The following ERBB4 variants were observed in gnomAD, a reference collection of about 807,000 sequenced individuals.
ERBB4 encodes erb-b2 receptor tyrosine kinase 4.
A neutral mutation model predicts 158.0 loss-of-function variants in ERBB4; 42 were observed. The observed-to-expected ratio is 0.27, with a 90% CI of 0.21 to 0.34. The LOEUF (loss-of-function observed/expected upper bound fraction) is 0.34. Ranked by LOEUF, ERBB4 falls within the 10% of genes least tolerant of loss-of-function variation. The pLI is 1.00. For missense variants in ERBB4, 1,333 were observed against 1,624.1 expected, an observed-to-expected ratio of 0.82 and a Z score of 3.08; for synonymous variants, 583 against 558.7, an observed-to-expected ratio of 1.04 and a Z score of -0.61.
chr2:211,659,920 C>G (rs980392583), intron 15 of ERBB4, among the ~76,000 whole-genome samples: 2 of 152,054 alleles, frequency 1.3e-5, no homozygotes, highest in African/African-American at 4.8e-5. Flanking sequence ...TAGAGCCAAC[C>G]TAGAAGGGCA....
At chr2:212,259,897 C>T (rs1254289251) in intron 1 of ERBB4, among the ~76,000 whole-genome samples, 4 of 151,892 alleles carry the variant, frequency 2.6e-5, no homozygotes, top group Admixed American at 2.6e-4. Flanking sequence ...TGGTAAAACC[C>T]TGTCTGTACT....
At chr2:212,325,673 G>T (rs1331347064) in intron 1 of ERBB4, among the ~76,000 whole-genome samples, 3 of 150,386 alleles carry the variant, frequency 2.0e-5, no homozygotes, top group African/African-American at 7.3e-5. Flanking sequence ...AGAGAGTTTA[G>T]AATTTATCAT....
chr2:212,432,938 A>T (rs573454147), intron 1 of ERBB4, among the ~76,000 whole-genome samples: 1 of 152,160 alleles, frequency 6.6e-6, no homozygotes, highest in East Asian at 1.9e-4. Context: ...ACAGTGTTAC[A>T]TGGTATTTTC....
chr2:212,413,134 A>ATTTTTTTTTTTT (rs370397826), intron 1 of ERBB4, among the ~76,000 whole-genome samples: 748 of 101,158 alleles, frequency 7.4e-3, no homozygotes, highest in Non-Finnish European at 8.3e-3. Flanking sequence ...TGCGTGGCTA[A>ATTTTTTTTTTTT]TTTTTTTTTT....
intron 20 of ERBB4, among the ~76,000 whole-genome samples, chr2:211,449,103 G>A (rs114210411): frequency 0.033 from 5,039 of 152,110 alleles, 132 homozygotes; most frequent in Non-Finnish European, 0.049. Context: ...CCTCCTACAA[G>A]AAGCTTGATA....
chr2:212,420,100 TA>T (rs35071427), intron 1 of ERBB4, among the ~76,000 whole-genome samples: 1 of 152,102 alleles, frequency 6.6e-6, no homozygotes, highest in Non-Finnish European at 1.5e-5. Context: ...CTTTAATACA[TA>T]AATAGATCAT....
At chr2:211,462,392 T>A (rs1343041578) in intron 20 of ERBB4, among the ~76,000 whole-genome samples, 1 of 152,052 alleles carries the variant, frequency 6.6e-6, no homozygotes, top group Non-Finnish European at 1.5e-5. Context: ...ATCGGAGTGA[T>A]TGTATGTTAT....
intron 7 of ERBB4, among the ~76,000 whole-genome samples, chr2:211,719,916 C>T (rs981831225): frequency 2.0e-5 from 3 of 150,330 alleles, no homozygotes; most frequent in African/African-American, 4.9e-5. Flanking sequence ...CTTTTCATTG[C>T]TCTAAGGATA....
intron 1 of ERBB4, among the ~76,000 whole-genome samples, chr2:212,268,198 C>T (rs947601203): frequency 4.0e-5 from 6 of 151,782 alleles, no homozygotes; most frequent in Non-Finnish European, 8.8e-5. Context: ...TATTTCACTG[C>T]AATTCTCTGT....
chr2:212,124,543 G>A (rs2079858959), intron 2 of ERBB4: 2 of 581,512 alleles, frequency 3.4e-6, no homozygotes, highest in Admixed American at 2.9e-5. Context: ...AACAGCAACT[G>A]CTTTAAACTC....
intron 1 of ERBB4, among the ~76,000 whole-genome samples, chr2:212,407,845 A>G (rs1271952837): frequency 2.0e-5 from 3 of 152,012 alleles, no homozygotes; most frequent in African/African-American, 7.2e-5. Flanking sequence ...CATAGACTTT[A>G]AATGCATTAA....
At chr2:212,386,810 T>C (rs1209344387) in intron 1 of ERBB4, among the ~76,000 whole-genome samples, 4 of 152,108 alleles carry the variant, frequency 2.6e-5, no homozygotes, top group Non-Finnish European at 4.4e-5. Context: ...GTTTCCATAA[T>C]ACTAACCATA....
intron 1 of ERBB4, among the ~76,000 whole-genome samples, chr2:212,377,436 T>C (rs750228875): frequency 2.2e-4 from 33 of 151,808 alleles, no homozygotes; most frequent in Non-Finnish European, 4.1e-4. Flanking sequence ...GGCTGTATGG[T>C]ATAGTCTATT....
intron 20 of ERBB4, among the ~76,000 whole-genome samples, chr2:211,465,740 G>A (rs544528132): frequency 1.3e-5 from 2 of 152,098 alleles, no homozygotes; most frequent in Non-Finnish European, 2.9e-5. Context: ...CTTGCCGGTC[G>A]AGAGTAGCCA....
Position 212,510,225 on chromosome 2 carries a change from AT to A in ERBB4, c.82+28223del, listed in dbSNP as rs1691440584. Among the ~76,000 whole-genome samples the A allele has an allele frequency of 8.2e-5, 12 of 146,424 alleles. No homozygotes were observed. In the South Asian group the frequency reaches 2.3e-3, roughly 28 times the overall value. ...ACACAGTATATATATATATATATATATATATATAACTACTCCCATCCAATGT... is the reference window on the plus strand; with the variant it reads ...ACACAGTATATATATATATATATATAATATATAACTACTCCCATCCAATGT... On this transcript the variant is annotated intron_variant, in intron 1 of 27. Transcript: ENST00000342788.
At chr2:211,873,404 AC>A (rs1391917466) in intron 3 of ERBB4, among the ~76,000 whole-genome samples, 1 of 151,092 alleles carries the variant, frequency 6.6e-6, no homozygotes, top group African/African-American at 2.4e-5. Context: ...GACAATGCAA[AC>A]TTCTCTGTAG....
chr2:211,384,162 A>C, intron 27 of ERBB4, 102 bp from the exon 28 acceptor site: 2 of 819,428 alleles, frequency 2.4e-6, no homozygotes, highest in East Asian at 2.6e-5. Context: ...GAACAAAAAA[A>C]CCCACAGATT....
chr2:211,949,999 G>A (rs2080830840), intron 2 of ERBB4, among the ~76,000 whole-genome samples: 1 of 152,128 alleles, frequency 6.6e-6, no homozygotes, highest in Admixed American at 6.6e-5. Flanking sequence ...GTGACCAGGA[G>A]AGTGGCAGTA....
intron 1 of ERBB4, among the ~76,000 whole-genome samples, chr2:212,426,991 T>C (rs929809576): frequency 6.6e-5 from 10 of 152,178 alleles, no homozygotes; most frequent in Non-Finnish European, 1.0e-4. Context: ...AAATGTCTTT[T>C]GCACTTATCT....
Sources: gnomAD v4.1 joint callset for allele counts (sites outside exome capture counted in the v4.1 genomes callset) on GRCh38, gnomAD v4.1.1 for gene constraint, MANE v1.5 for transcripts, NCBI Gene and HGNC (gene_info 2026-07-23, HGNC 2026-07-21) for gene names.